The following RAB21 variants were observed in gnomAD, a reference collection of about 807,000 sequenced individuals.
The protein encoded by RAB21 is ras-related protein Rab-21.
A neutral mutation model predicts 33.1 loss-of-function variants in RAB21; 13 were observed. That is an observed-to-expected ratio of 0.39 (90% confidence interval 0.26 to 0.62). RAB21 has a LOEUF of 0.62. Among genes scored for constraint, RAB21 ranks in the 20% least tolerant of loss-of-function variants. The pLI, the probability that RAB21 is intolerant of heterozygous loss-of-function variation, is 0.48. For synonymous variants in RAB21, 91 were observed against 103.7 expected (o/e 0.88, Z 0.74); for missense variants, 234 against 279.1 (o/e 0.84, Z 1.15).
In RAB21 at chr12:71,786,338, T is replaced by C. The variant is rs1883291749; in HGVS notation, c.*665T>C. Reference sequence around the variant, plus strand: ...AATCAAATCTTTATTTAATAACTTATATATGTTGTTGGAATGGTTACATTT... The same window carrying C: ...AATCAAATCTTTATTTAATAACTTACATATGTTGTTGGAATGGTTACATTT... On this transcript the variant is annotated 3_prime_UTR_variant, in exon 7 of 7. Coordinates refer to ENST00000261263, the MANE Select transcript of RAB21 (RefSeq NM_014999.4). 1 of 152,688 alleles carries C rather than the reference T, an allele frequency of 6.5e-6. No homozygotes were observed. The highest frequency in any genetic ancestry group is 6.5e-5 in the Admixed American group (1 of 15,284). The allele number at this position is 152,688 out of a possible 1,614,324, so 9.5% of individuals were successfully genotyped here. A position where few individuals can be genotyped will look rare whatever the true frequency, so the allele number is the denominator to read the frequency against.
rs1883498112 is a variant in RAB21, at chr12:71,798,718, A to G, written c.*13045A>G. 6.6e-6 allele frequency: 1 copy of G among 152,244 alleles called. No individual in the cohort carries two copies. Among genetic ancestry groups the G allele is most frequent in the South Asian group, 2.1e-4 (1 of 4,836 alleles). The allele number at this position is 152,244 out of a possible 1,614,324, so 9.4% of individuals were successfully genotyped here. Reference sequence around the variant, plus strand: ...AAGAAAGACTTTTTAGTTTTATAAAACATTGTAATATTCTAGATATTATTG... The same window carrying G: ...AAGAAAGACTTTTTAGTTTTATAAAGCATTGTAATATTCTAGATATTATTG... On this transcript the variant is annotated 3_prime_UTR_variant, in exon 7 of 7. Transcript: ENST00000261263.
chr12:71,785,448 T>A, intron 6 of RAB21, 83 bp from the exon 7 acceptor site: 1 of 1,462,876 alleles, frequency 6.8e-7, no homozygotes, highest in Middle Eastern at 1.8e-4. Flanking sequence ...CAGAAATAGC[T>A]ATCATAGTGT....
rs377159862 is a variant in RAB21 at position 71,782,100 on chromosome 12, C to G, written c.446+15C>G. On this transcript the variant is annotated intron_variant, in intron 5 of 6. Transcript: ENST00000261263. ...GAAGCAGAGTCGTAAGTACTGTGAC[C>G]CTCCCATTCCCCATCACTCCCTAGT... is the stretch of plus-strand genomic sequence containing the variant. 426 of 1,595,008 alleles carry G rather than the reference C, an allele frequency of 2.7e-4. No homozygotes were observed. In the African/African-American group the frequency reaches 3.0e-3, roughly 11 times the overall value.
rs1373472570 is a variant in RAB21, at chr12:71,791,360, A to G, written c.*5687A>G. 1 of 152,248 alleles carries G rather than the reference A, an allele frequency of 6.6e-6. No individual in the cohort carries two copies. The highest frequency in any genetic ancestry group is 1.5e-5 in the Non-Finnish European group (1 of 68,042). The allele number at this position is 152,248 out of a possible 1,614,324, so 9.4% of individuals were successfully genotyped here. On this transcript the variant is annotated 3_prime_UTR_variant, in exon 7 of 7. Coordinates refer to ENST00000261263, the MANE Select transcript of RAB21 (RefSeq NM_014999.4). The stretch of plus-strand genomic sequence containing the variant: ...AGGGTCTGCTTTAAGCATGTGAATC[A>G]GGAAACTAGAAGGCCTCTTGTAATG...
chr12:71,770,861 T>C lies in RAB21; in HGVS notation c.327+162T>C, dbSNP rs541022899. Among the ~76,000 whole-genome samples, 9 of 152,358 alleles carry C rather than the reference T, an allele frequency of 5.9e-5. No homozygotes were observed. In the South Asian group the frequency reaches 6.2e-4, roughly 11 times the overall value. On this transcript the variant is annotated intron_variant, in intron 3 of 6. Coordinates refer to ENST00000261263, the MANE Select transcript of RAB21 (RefSeq NM_014999.4). Reference sequence around the variant, plus strand: ...CTTACATTTTATTTTTCTTTTCACCTACAACATGGTGGTGTACTCATATGT... The same window carrying C: ...CTTACATTTTATTTTTCTTTTCACCCACAACATGGTGGTGTACTCATATGT...
chr12:71,769,729 C>T, intron 1 of RAB21, 71 bp from the exon 2 acceptor site: 1 of 694,144 alleles, frequency 1.4e-6, no homozygotes, highest in Non-Finnish European at 2.3e-6. Flanking sequence ...ATGATTCATT[C>T]ATCTATAGTT....
chr12:71,790,499 A>G lies in RAB21; in HGVS notation c.*4826A>G, dbSNP rs1370479780. On this transcript the variant is annotated 3_prime_UTR_variant, in exon 7 of 7. Transcript: ENST00000261263. ...TTTAGTAGCAAGCTATTTTAAGGAA[A>G]TCATTGTATGTGGTACTTCCTAGAA... The G allele has an allele frequency of 6.6e-6, 1 of 152,182 alleles. No individual in the cohort carries two copies. The highest frequency in any genetic ancestry group is 2.4e-5 in the African/African-American group (1 of 41,440). The allele number at this position is 152,182 out of a possible 1,614,324, so 9.4% of individuals were successfully genotyped here. A position where few individuals can be genotyped will look rare whatever the true frequency, so the allele number is the denominator to read the frequency against.
At chr12:71,767,033 A>G (rs186494221) in intron 1 of RAB21, among the ~76,000 whole-genome samples, 27 of 152,342 alleles carry the variant, frequency 1.8e-4, no homozygotes, top group Non-Finnish European at 2.8e-4. Context: ...TTGGCACAAA[A>G]TAAACATTTA....
Position 71,794,728 on chromosome 12 carries a change from G to A in RAB21, c.*9055G>A, listed in dbSNP as rs1449540303. The stretch of plus-strand genomic sequence containing the variant: ...GCTGGGATTACAAGCGTGAGCCACC[G>A]AGCCCAGCTATATTTATAAATTTAT... On this transcript the variant is annotated 3_prime_UTR_variant, in exon 7 of 7. Coordinates refer to ENST00000261263, the MANE Select transcript of RAB21 (RefSeq NM_014999.4). The A allele has an allele frequency of 5.5e-5, 8 of 145,612 alleles. No homozygotes were observed. The East Asian group carries it at 6.1e-4, about 11-fold the overall frequency. The allele number at this position is 145,612 out of a possible 1,614,324, so 9.0% of individuals were successfully genotyped here.
intron 4 of RAB21, among the ~76,000 whole-genome samples, chr12:71,781,329 C>T (rs992462215): frequency 2.6e-5 from 4 of 151,056 alleles, no homozygotes; most frequent in African/African-American, 9.7e-5. Flanking sequence ...ATTAGCCAGG[C>T]GTGGTGGCAG....
At chr12:71,777,764 T>C (rs1043261980) in intron 4 of RAB21, among the ~76,000 whole-genome samples, 4 of 152,198 alleles carry the variant, frequency 2.6e-5, no homozygotes, top group Non-Finnish European at 5.9e-5. Flanking sequence ...ATCATCCTGA[T>C]CATTTTCTCT....
chr12:71,777,247 T>A (rs1883134725), intron 4 of RAB21, among the ~76,000 whole-genome samples: 1 of 152,220 alleles, frequency 6.6e-6, no homozygotes, highest in African/African-American at 2.4e-5. Context: ...ACTATCCTTT[T>A]TACTGCATGA....
chr12:71,779,468 C>CA lies in RAB21; in HGVS notation c.392-2553dup, dbSNP rs200128722. On this transcript the variant is annotated intron_variant, in intron 4 of 6. Coordinates refer to ENST00000261263, the MANE Select transcript of RAB21 (RefSeq NM_014999.4). The stretch of plus-strand genomic sequence containing the variant: ...GACCCTGTCTCAAAAAAAGGTAAAA[C>CA]AAAAAAAAAATTACAGTTATGGAGT... 5.4e-3 allele frequency among the ~76,000 whole-genome samples: 809 copies of CA among 149,860 alleles called. 8 individuals carry two copies. The highest frequency in any genetic ancestry group is 0.018 in the African/African-American group (728 of 41,016).
chr12:71,783,689 A>G (rs2137658732), intron 6 of RAB21, among the ~76,000 whole-genome samples: 1 of 152,316 alleles, frequency 6.6e-6, no homozygotes, highest in East Asian at 1.9e-4. Flanking sequence ...ATATGATTCC[A>G]ATGCACACTA....
chr12:71,765,922 C>T (rs1047042917), intron 1 of RAB21, among the ~76,000 whole-genome samples: 2 of 151,752 alleles, frequency 1.3e-5, no homozygotes, highest in Admixed American at 6.6e-5. Flanking sequence ...AAAGAGTTCT[C>T]CCTTGAAGAA....
chr12:71,764,521 G>A (rs961372758), intron 1 of RAB21, among the ~76,000 whole-genome samples: 1 of 152,060 alleles, frequency 6.6e-6, no homozygotes, highest in African/African-American at 2.4e-5. Flanking sequence ...ACATGGATAA[G>A]TTCTTTAGTG....
At chr12:71,769,657 A>C in intron 1 of RAB21, 143 bp from the exon 2 acceptor site, 25 of 358,606 alleles carry the variant, frequency 7.0e-5, no homozygotes, top group Non-Finnish European at 9.6e-5. Flanking sequence ...TAATGAAACA[A>C]TTTCGATCAT....
chr12:71,758,102 G>A (rs964935820), intron 1 of RAB21, among the ~76,000 whole-genome samples: 5 of 151,550 alleles, frequency 3.3e-5, no homozygotes, highest in Non-Finnish European at 5.9e-5. Flanking sequence ...GTGCGATCTC[G>A]GCTCATTGCA....
chr12:71,792,184 CTT>C lies in RAB21; in HGVS notation c.*6514_*6515del, dbSNP rs1883395791. Reference sequence around the variant, plus strand: ...ACCATGCCCACCCTAGAATCATACTCTTTTAAAGCAAGTTAAATCAGCAGTAA... The same window carrying C: ...ACCATGCCCACCCTAGAATCATACTCTTAAAGCAAGTTAAATCAGCAGTAA... On this transcript the variant is annotated 3_prime_UTR_variant, in exon 7 of 7. Coordinates refer to ENST00000261263, the MANE Select transcript of RAB21 (RefSeq NM_014999.4). 6.6e-6 allele frequency: 1 copy of C among 152,122 alleles called. No individual in the cohort carries two copies. The highest frequency in any genetic ancestry group is 2.1e-4 in the South Asian group (1 of 4,830). 9.4% of individuals were successfully genotyped at this position (152,122 alleles called of 1,614,324 possible).
Sources: gnomAD v4.1 joint callset for allele counts (sites outside exome capture counted in the v4.1 genomes callset) on GRCh38, gnomAD v4.1.1 for gene constraint, MANE v1.5 for transcripts, NCBI Gene and HGNC (gene_info 2026-07-23, HGNC 2026-07-21) for gene names.